Variants in BROX observed in about 807,000 individuals in gnomAD.
BROX encodes the protein BRO1 domain-containing protein BROX.
Under a neutral mutation model 61.0 loss-of-function variants are expected in BROX, and 53 were observed. That is an observed-to-expected ratio of 0.87 (90% CI 0.70 to 1.09). The LOEUF is 1.09. BROX is among the 50% of genes least tolerant of loss of function. The pLI, the probability that BROX is intolerant of heterozygous loss-of-function variation, is 0.00. For missense variants in BROX, 489 were observed against 472.0 expected, an observed-to-expected ratio of 1.04 and a Z score of -0.33; for synonymous variants, 152 against 160.2, an observed-to-expected ratio of 0.95 and a Z score of 0.38.
intron 1 of BROX, chr1:222,713,195 T>A (rs1656197423): frequency 1.0e-6 from 1 of 983,638 alleles, no homozygotes; most frequent in Non-Finnish European, 1.2e-6. Context: ...GGAGAGCTTA[T>A]AATACAAGCT....
chr1:222,712,720 C>T lies in BROX; in HGVS notation c.-239C>T. 3.1e-6 allele frequency: 4 copies of T among 1,291,274 alleles called. No individual in the cohort carries two copies. Among genetic ancestry groups the T allele is most frequent in the Non-Finnish European group, 3.0e-6 (3 of 990,170 alleles). 80.0% of individuals were successfully genotyped at this position (1,291,274 alleles called of 1,614,324 possible). A position where few individuals can be genotyped will look rare whatever the true frequency, so the allele number is the denominator to read the frequency against. The stretch of plus-strand genomic sequence containing the variant: ...TGATGAACGAAGCGTTTTGAGGGGA[C>T]TGCAACGCCGCGGCAATACCCGCCC... On this transcript the variant is annotated 5_prime_UTR_variant, in exon 1 of 13. Transcript: ENST00000340934.
chr1:222,730,223 TATG>T (rs955464060), intron 11 of BROX, 46 bp downstream of exon 11: 3 of 1,215,530 alleles, frequency 2.5e-6, no homozygotes, highest in South Asian at 1.9e-5. Context: ...TATGTTGATT[TATG>T]ATTATATTAA....
rs1425644170 is a variant in BROX at position 222,730,118 on chromosome 1, G to A, written c.930G>A (p.Arg310=). The A allele has an allele frequency of 1.9e-6, 3 of 1,612,796 alleles. No homozygotes were observed. The African/African-American group carries it at 4.0e-5, about 22-fold the overall frequency. ...AACCTTCAGGACATCTGTTCTTTAG[G>A]AAACTTGGAAACCTTGTGAAGAACA... is the stretch of plus-strand genomic sequence containing the variant. The part of the protein sequence containing the change: ...TVKPSGHLFF[R]KLGNLVKNTL... Residue 310 remains arginine (R), a synonymous_variant, in exon 11 of 13, where the codon AGG becomes AGA. Coordinates refer to ENST00000340934, the MANE Select transcript of BROX (RefSeq NM_144695.4).
chr1:222,729,516 A>G (rs1558236727), intron 9 of BROX, 104 bp from the exon 10 acceptor site: 1 of 740,732 alleles, frequency 1.4e-6, no homozygotes, highest in Non-Finnish European at 2.2e-6. Flanking sequence ...TTGCATTGAT[A>G]CTTCAGTGTA....
intron 6 of BROX, among the ~76,000 whole-genome samples, chr1:222,724,572 G>T (rs569994113): frequency 5.9e-5 from 9 of 152,288 alleles, no homozygotes; most frequent in African/African-American, 2.2e-4. Context: ...AAACTTTAGA[G>T]TGACAATCAG....
At chr1:222,718,854 CCTGGAAG>C (rs2125005799) in intron 2 of BROX, 64 bp from the exon 3 acceptor site, 1 of 1,257,436 alleles carries the variant, frequency 8.0e-7, no homozygotes, top group East Asian at 2.3e-5. Context: ...TACATTGAAA[CCTGGAAG>C]CCACTTTTAT....
rs1233052516 is a variant in BROX at position 222,731,437 on chromosome 1, A to C, written c.1070A>C (p.Glu357Ala). 2.5e-6 allele frequency: 4 copies of C among 1,603,574 alleles called. No homozygotes were observed. Among genetic ancestry groups the C allele is most frequent in the Non-Finnish European group, 3.4e-6 (4 of 1,177,348 alleles). ...NYGLVEPIPF[E>A]FPPTSVQWTP... ...GGTCTCGTAGAGCCTATACCTTTCGAATTTCCTCCTACAAGTGTTCAGTGG... is the reference window on the plus strand; with the variant it reads ...GGTCTCGTAGAGCCTATACCTTTCGCATTTCCTCCTACAAGTGTTCAGTGG... The change falls in exon 12 of 13, where the codon GAA becomes GCA. Residue 357 changes from glutamate (E) to alanine (A), a missense_variant. By Grantham distance (107) the Glu-to-Ala change is moderately radical (BLOSUM62 -1). Transcript: ENST00000340934.
intron 1 of BROX, among the ~76,000 whole-genome samples, chr1:222,714,155 CTCCTT>C (rs1656337853): frequency 6.6e-6 from 1 of 151,050 alleles, no homozygotes; most frequent in Non-Finnish European, 1.5e-5. Flanking sequence ...CCTGGGCTTT[CTCCTT>C]ATTATCTGCT....
chr1:222,719,326 A>G lies in BROX; in HGVS notation c.272A>G (p.Lys91Arg), dbSNP rs1656885423. 2.5e-6 allele frequency: 4 copies of G among 1,610,256 alleles called. No homozygotes were observed. The highest frequency in any genetic ancestry group is 3.4e-6 in the Non-Finnish European group (4 of 1,176,612). ...ESKLRYIQNF[K>R]WTDTLQGQVP... Reference sequence around the variant, plus strand: ...AAGTTACGATATATTCAAAATTTCAAGTGGACTGATACATTGCAAGGACAG... The same window carrying G: ...AAGTTACGATATATTCAAAATTTCAGGTGGACTGATACATTGCAAGGACAG... Residue 91 changes from lysine to arginine, a missense_variant, in exon 4 of 13, where the codon AAG becomes AGG. By Grantham distance (26) the Lys-to-Arg change is conservative. Transcript: ENST00000340934.
At chr1:222,727,313 G>C in intron 8 of BROX, 56 bp downstream of exon 8, 1 of 1,297,306 alleles carries the variant, frequency 7.7e-7, no homozygotes, top group Non-Finnish European at 1.1e-6. Flanking sequence ...AGATTTATTT[G>C]ATCTTGAATA....
At chr1:222,713,379 C>G (rs1030174943) in intron 1 of BROX, 1 of 985,296 alleles carries the variant, frequency 1.0e-6, no homozygotes, top group African/African-American at 1.8e-5. Context: ...GGGTGGTAAA[C>G]AGGAAGTGGG....
chr1:222,724,984 G>A (rs537434848), intron 6 of BROX, among the ~76,000 whole-genome samples: 9 of 152,084 alleles, frequency 5.9e-5, no homozygotes, highest in East Asian at 3.9e-4. Flanking sequence ...TAGTAGAGAC[G>A]GGATTTCACC....
intron 7 of BROX, among the ~76,000 whole-genome samples, chr1:222,726,690 G>A (rs376283825): frequency 2.0e-5 from 3 of 151,132 alleles, no homozygotes; most frequent in East Asian, 1.9e-4. Flanking sequence ...GCACTCTAGC[G>A]TGGTCAACAA....
At chr1:222,714,929 T>C (rs540125028) in intron 1 of BROX, among the ~76,000 whole-genome samples, 1 of 152,346 alleles carries the variant, frequency 6.6e-6, no homozygotes, top group South Asian at 2.1e-4. Context: ...TTGTATTACA[T>C]TTTTATTTTA....
rs1383817406 is a variant in BROX at position 222,733,439 on chromosome 1, T to C, written c.*725T>C. The stretch of plus-strand genomic sequence containing the variant: ...TTATTTTCCTTCCTCTTATTTGATA[T>C]CAGAAGAATGACAGGAATCAGTTTT... On this transcript the variant is annotated 3_prime_UTR_variant, in exon 13 of 13. Transcript: ENST00000340934. 6.6e-6 allele frequency: 1 copy of C among 152,298 alleles called. No individual in the cohort carries two copies. The highest frequency in any genetic ancestry group is 1.9e-4 in the East Asian group (1 of 5,192). The allele number at this position is 152,298 out of a possible 1,614,324, so 9.4% of individuals were successfully genotyped here.
chr1:222,713,005 A>C, intron 1 of BROX, 63 bp downstream of exon 1: 2 of 1,172,244 alleles, frequency 1.7e-6, no homozygotes, highest in South Asian at 3.3e-5. Context: ...CGGAGTCTCA[A>C]GCAATAGGAT....
In BROX at chr1:222,724,175, C is replaced by A; in HGVS notation, c.474+11C>A. The A allele has an allele frequency of 1.3e-6, 2 of 1,587,912 alleles. No homozygotes were observed. Among genetic ancestry groups the A allele is most frequent in the South Asian group, 1.1e-5 (1 of 87,122 alleles). ...TTTAAACATTTAAAGGTAAAACAAA[C>A]AAACAAAAACCATTATTTGTTCTTA... On this transcript the variant is annotated intron_variant, in intron 6 of 12. Coordinates refer to ENST00000340934, the MANE Select transcript of BROX (RefSeq NM_144695.4).
chr1:222,719,294 A>G lies in BROX; in HGVS notation c.240A>G (p.Gln80=), dbSNP rs760338078. The G allele has an allele frequency of 6.2e-7, 1 of 1,607,194 alleles. No individual in the cohort carries two copies. Among genetic ancestry groups the G allele is most frequent in the South Asian group, 1.1e-5 (1 of 90,910 alleles). ...GFINSLDEST[Q]ESKLRYIQNF... ...TAAATTCTTTGGATGAATCTACCCA[A>G]GAAAGCAAGTTACGATATATTCAAA... The change falls in exon 4 of 13, where the codon CAA becomes CAG. Residue 80 remains glutamine (Q), a synonymous_variant. Transcript: ENST00000340934.
Position 222,735,183 on chromosome 1 carries a change from T to G in BROX, c.*2469T>G, listed in dbSNP as rs1167904984. 5 of 152,254 alleles carry G rather than the reference T, an allele frequency of 3.3e-5. No individual in the cohort carries two copies. The highest frequency in any genetic ancestry group is 1.2e-4 in the African/African-American group (5 of 41,458). 9.4% of individuals were successfully genotyped at this position (152,254 alleles called of 1,614,324 possible). On this transcript the variant is annotated 3_prime_UTR_variant, in exon 13 of 13. Transcript: ENST00000340934. ...TTATGAAAATAAAAGTAATTTTACT[T>G]ACAATTTCATTGAGATCTTTTGTTT...
Sources: allele counts gnomAD v4.1 joint callset (sites outside exome capture counted in the v4.1 genomes callset), GRCh38; gene constraint gnomAD v4.1.1; transcripts MANE v1.5; gene names NCBI Gene and HGNC (gene_info 2026-07-23, HGNC 2026-07-21).